Variants in METTL25 observed in about 807,000 individuals in gnomAD.
METTL25 encodes probable methyltransferase-like protein 25.
Under a neutral mutation model 71.6 loss-of-function variants are expected in METTL25, and 64 were observed. That is an observed-to-expected ratio of 0.89 (90% CI 0.73 to 1.10). METTL25 has a LOEUF of 1.10. METTL25 is among the 50% of genes least tolerant of loss of function. METTL25 has a pLI of 0.00. For synonymous variants in METTL25, 287 were observed against 250.3 expected, an observed-to-expected ratio of 1.15 and a Z score of -1.38; for missense variants, 807 against 707.0, an observed-to-expected ratio of 1.14 and a Z score of -1.60.
At chr12:82,386,745 A>C (rs149010394) in intron 1 of METTL25, 58 bp from the exon 2 acceptor site, 3 of 1,349,594 alleles carry the variant, frequency 2.2e-6, no homozygotes, top group African/African-American at 1.4e-5. Flanking sequence ...GTTTATTAAT[A>C]TCACACTAAT....
At chr12:82,440,087 A>G (rs557177308) in intron 8 of METTL25, among the ~76,000 whole-genome samples, 1 of 151,740 alleles carries the variant, frequency 6.6e-6, no homozygotes, top group Non-Finnish European at 1.5e-5. Context: ...TCTCTTCCTC[A>G]TTATCTTCCA....
At chr12:82,395,095 C>T (rs1257470843) in intron 3 of METTL25, among the ~76,000 whole-genome samples, 1 of 152,014 alleles carries the variant, frequency 6.6e-6, no homozygotes, top group Non-Finnish European at 1.5e-5. Context: ...ACTGGAGCCA[C>T]TGGATCATTC....
intron 5 of METTL25, among the ~76,000 whole-genome samples, chr12:82,417,193 A>C (rs1450023940): frequency 6.6e-6 from 1 of 152,088 alleles, no homozygotes; most frequent in Non-Finnish European, 1.5e-5. Context: ...GGTAAATGAC[A>C]AATACTTGAC....
intron 5 of METTL25, among the ~76,000 whole-genome samples, chr12:82,421,125 G>A (rs1434226297): frequency 6.6e-6 from 1 of 152,166 alleles, no homozygotes; most frequent in East Asian, 1.9e-4. Context: ...GCCTCCCAAA[G>A]TGCTGGAATT....
chr12:82,430,968 C>T lies in METTL25; in HGVS notation c.1355C>T (p.Ala452Val). 1 of 1,593,818 alleles carries T rather than the reference C, an allele frequency of 6.3e-7. No homozygotes were observed. The highest frequency in any genetic ancestry group is 8.6e-7 in the Non-Finnish European group (1 of 1,166,834). Residue 452 changes from alanine (A) to valine (V), a missense_variant, in exon 6 of 12, where the codon GCC becomes GTC. By Grantham distance (64) the Ala-to-Val change is moderately conservative. Transcript: ENST00000248306. ...GAGAGATGGTGCTGTGGTCGTAATG[C>T]CAGAATGTCAGCATGTTTGGTATGG... Reference protein sequence around the residue: ...KEERWCCGRNARMSACLALER... With the variant: ...KEERWCCGRNVRMSACLALER...
intron 6 of METTL25, among the ~76,000 whole-genome samples, chr12:82,434,451 G>T (rs1218442366): frequency 1.3e-5 from 2 of 151,340 alleles, no homozygotes; most frequent in Non-Finnish European, 3.0e-5. Context: ...TATATAATTA[G>T]AATTGACATT....
chr12:82,420,540 A>T (rs573090749), intron 5 of METTL25, among the ~76,000 whole-genome samples: 1 of 152,252 alleles, frequency 6.6e-6, no homozygotes, highest in East Asian at 1.9e-4. Context: ...TTTTAAGAAA[A>T]GAAAGGGAGG....
At position 82,399,062 on chromosome 12, in the gene METTL25, A is replaced by C. The variant is rs778118853; in HGVS notation, c.799A>C (p.Thr267Pro). 3.7e-6 allele frequency: 6 copies of C among 1,613,170 alleles called. No individual in the cohort carries two copies. The South Asian group carries it at 6.6e-5, about 18-fold the overall frequency. Reference protein sequence around the residue: ...DTEEVFNNSPTNQEKMPTSAI... With the variant: ...DTEEVFNNSPPNQEKMPTSAI... ...TGAGGAAGTGTTTAACAACAGTCCT[A>C]CAAATCAAGAAAAGATGCCTACCTC... is the stretch of plus-strand genomic sequence containing the variant. Residue 267 changes from threonine to proline, a missense_variant, in exon 4 of 12, where the codon ACA becomes CCA. Thr to Pro is a conservative substitution (Grantham distance 38). Transcript: ENST00000248306.
chr12:82,362,073 AT>A (rs1315733200), intron 1 of METTL25, among the ~76,000 whole-genome samples: 1 of 152,200 alleles, frequency 6.6e-6, no homozygotes, highest in Non-Finnish European at 1.5e-5. Context: ...CGGCACAATC[AT>A]TTGGTGTTTT....
At chr12:82,459,721 A>T (rs1299313918) in intron 9 of METTL25, among the ~76,000 whole-genome samples, 2 of 152,226 alleles carry the variant, frequency 1.3e-5, no homozygotes, top group African/African-American at 4.8e-5. Context: ...ATGAGGAAAG[A>T]ATCTGTGAAC....
In METTL25 at chr12:82,398,889, A is replaced by G. The variant is rs143209195; in HGVS notation, c.626A>G (p.Asn209Ser). The G allele has an allele frequency of 1.1e-5, 17 of 1,610,888 alleles. No homozygotes were observed. In the African/African-American group the frequency reaches 1.6e-4, roughly 15 times the overall value. The change falls in exon 4 of 12, where the codon AAT becomes AGT. Residue 209 changes from asparagine to serine, a missense_variant. Asn to Ser is a conservative substitution (Grantham distance 46). Coordinates refer to ENST00000248306, the MANE Select transcript of METTL25 (RefSeq NM_032230.3). The stretch of plus-strand genomic sequence containing the variant: ...TATGGAATTGATTCTTCAAATACCA[A>G]TACTCATGGAGCTGAGGAGAGAAAC... The part of the protein sequence containing the change: ...KVYGIDSSNT[N>S]THGAEERNRK...
At chr12:82,445,870 A>G (rs1890699311) in intron 8 of METTL25, among the ~76,000 whole-genome samples, 1 of 152,216 alleles carries the variant, frequency 6.6e-6, no homozygotes. Flanking sequence ...AACTTGTACT[A>G]TCTGTGAAAT....
intron 1 of METTL25, among the ~76,000 whole-genome samples, chr12:82,360,119 TTAA>T (rs1170826320): frequency 6.6e-6 from 1 of 152,222 alleles, no homozygotes; most frequent in Non-Finnish European, 1.5e-5. Flanking sequence ...AATGGAGGAA[TTAA>T]TGAGTTACTC....
chr12:82,441,544 A>G (rs1175320039), intron 8 of METTL25, among the ~76,000 whole-genome samples: 1 of 151,806 alleles, frequency 6.6e-6, no homozygotes, highest in Non-Finnish European at 1.5e-5. Context: ...AATGAATACA[A>G]AAAGACAAAA....
intron 8 of METTL25, among the ~76,000 whole-genome samples, chr12:82,454,765 C>A (rs1163058687): frequency 2.0e-5 from 3 of 151,984 alleles, no homozygotes; most frequent in Admixed American, 2.0e-4. Flanking sequence ...TTCTCTCTTA[C>A]ACTTACAATG....
intron 7 of METTL25, among the ~76,000 whole-genome samples, chr12:82,435,045 C>T (rs73153539): frequency 0.062 from 9,367 of 151,462 alleles, 338 homozygotes; most frequent in Middle Eastern, 0.12. Flanking sequence ...CAAAGATAAC[C>T]TATATTATTC....
At chr12:82,403,525 A>G (rs1419120225) in intron 5 of METTL25, among the ~76,000 whole-genome samples, 1 of 152,156 alleles carries the variant, frequency 6.6e-6, no homozygotes, top group Non-Finnish European at 1.5e-5. Context: ...GCCTTTTTTC[A>G]TATCTGAAGG....
chr12:82,398,133 C>A (rs1886244570), intron 3 of METTL25, among the ~76,000 whole-genome samples: 1 of 151,710 alleles, frequency 6.6e-6, no homozygotes, highest in Non-Finnish European at 1.5e-5. Context: ...GTTTTTTATG[C>A]AGTGTTTTAT....
At chr12:82,366,273 T>C (rs111982254) in intron 1 of METTL25, among the ~76,000 whole-genome samples, 1 of 152,190 alleles carries the variant, frequency 6.6e-6, no homozygotes, top group African/African-American at 2.4e-5. Context: ...TAGCTGGGGA[T>C]AGCCTAATGA....
Sources: allele counts gnomAD v4.1 joint callset (sites outside exome capture counted in the v4.1 genomes callset), GRCh38; gene constraint gnomAD v4.1.1; transcripts MANE v1.5; gene names NCBI Gene and HGNC (gene_info 2026-07-23, HGNC 2026-07-21).